Variants in ANO10 observed in about 807,000 individuals in gnomAD.
ANO10 encodes the protein anoctamin-10.
ANO10 carries 77 observed loss-of-function variants against 74.7 expected under a neutral mutation model. That is an observed-to-expected ratio of 1.03 (90% CI 0.86 to 1.25). ANO10 has a LOEUF of 1.25. Ranked by LOEUF, ANO10 falls within the 50% of genes most tolerant of loss-of-function variation. ANO10 has a pLI of 0.00. For missense variants in ANO10, 721 were observed against 778.1 expected (o/e 0.93, Z 0.87); for synonymous variants, 279 against 284.9 (o/e 0.98, Z 0.21).
At chr3:43,525,306 C>A (rs2078146772) in intron 11 of ANO10, among the ~76,000 whole-genome samples, 1 of 152,174 alleles carries the variant, frequency 6.6e-6, no homozygotes, top group Non-Finnish European at 1.5e-5. Flanking sequence ...AGTCCCTCAT[C>A]CCCATCTCTC....
chr3:43,621,872 G>T (rs993612334), intron 1 of ANO10, 37 bp downstream of exon 1: 3 of 152,412 alleles, frequency 2.0e-5, no homozygotes, highest in African/African-American at 7.2e-5. Flanking sequence ...CTCTGCTGCG[G>T]ACAGCTGGGG....
chr3:43,626,488 A>T (rs2083493647), upstream of ANO10, among the ~76,000 whole-genome samples: 1 of 151,178 alleles, frequency 6.6e-6, no homozygotes, highest in African/African-American at 2.4e-5. Context: ...TTTAGTAGAG[A>T]CTGTGTTTCA....
intron 1 of ANO10, among the ~76,000 whole-genome samples, chr3:43,687,003 A>ATTT (rs59861590): frequency 4.9e-5 from 7 of 142,982 alleles, no homozygotes; most frequent in African/African-American, 1.5e-4. Context: ...AAGTCATGTG[A>ATTT]TTTTTTTTTT....
chr3:43,691,374 C>T (rs1404519410), intron 1 of ANO10: 6 of 204,322 alleles, frequency 2.9e-5, no homozygotes, highest in African/African-American at 1.2e-4. Context: ...GGCGGCCGCA[C>T]CGGCTCGGGC....
chr3:43,379,243 C>T (rs572322249), intron 12 of ANO10, among the ~76,000 whole-genome samples: 1 of 152,338 alleles, frequency 6.6e-6, no homozygotes, highest in South Asian at 2.1e-4. Context: ...TTTCTTTTTC[C>T]TCCAGGTTAC....
intron 8 of ANO10, among the ~76,000 whole-genome samples, chr3:43,564,631 C>T (rs779683275): frequency 2.0e-5 from 3 of 152,146 alleles, no homozygotes; most frequent in African/African-American, 4.8e-5. Flanking sequence ...GTTGAATTAA[C>T]TATTACTCCC....
chr3:43,470,678 G>C (rs898136950), intron 11 of ANO10, among the ~76,000 whole-genome samples: 1 of 151,430 alleles, frequency 6.6e-6, no homozygotes, highest in African/African-American at 2.4e-5. Flanking sequence ...CCAGGCTGGA[G>C]TGCAGTAATG....
chr3:43,514,791 A>G (rs558528120), intron 11 of ANO10, among the ~76,000 whole-genome samples: 2 of 152,354 alleles, frequency 1.3e-5, no homozygotes, highest in African/African-American at 2.4e-5. Flanking sequence ...TCTGACTACA[A>G]TGTAATTAAA....
chr3:43,457,392 A>T (rs1276194887), intron 11 of ANO10, among the ~76,000 whole-genome samples: 1 of 152,216 alleles, frequency 6.6e-6, no homozygotes, highest in African/African-American at 2.4e-5. Context: ...GGCCTCAGGA[A>T]ACTTACAATC....
intron 11 of ANO10, among the ~76,000 whole-genome samples, chr3:43,507,938 T>C (rs1025909824): frequency 1.3e-5 from 2 of 152,110 alleles, no homozygotes; most frequent in African/African-American, 4.8e-5. Flanking sequence ...TTCTAGGTGT[T>C]TGTAAAAGGC....
At chr3:43,469,814 C>A (rs571620965) in intron 11 of ANO10, among the ~76,000 whole-genome samples, 2 of 152,260 alleles carry the variant, frequency 1.3e-5, no homozygotes, top group African/African-American at 2.4e-5. Context: ...CACACACCCA[C>A]AAACATATAT....
At position 43,512,997 on chromosome 3, in the gene ANO10, A is replaced by T. The variant is rs372139495; in HGVS notation, c.1797+36723T>A. The stretch of plus-strand genomic sequence containing the variant: ...GAGTCATGATGAGAATCCAGGGACA[A>T]CATGGCACCAGCTGTTTGCAGGAAA... On this transcript the variant is annotated intron_variant, in intron 11 of 12. Coordinates refer to ENST00000292246, the MANE Select transcript of ANO10 (RefSeq NM_018075.5). Among the ~76,000 whole-genome samples, 5 of 152,328 alleles carry T rather than the reference A, an allele frequency of 3.3e-5. No homozygotes were observed. The East Asian group carries it at 7.7e-4, about 24-fold the overall frequency.
Position 43,398,710 on chromosome 3 carries a change from T to C in ANO10, c.1915-31736A>G, listed in dbSNP as rs147941458. On this transcript the variant is annotated intron_variant, in intron 12 of 12. Transcript: ENST00000292246. ...TCTTCAATACAGTTGAGTGTGGGCA[T>C]TGGAATCAAGCCACATGGGCTAAAT... Among the ~76,000 whole-genome samples, 41 of 152,358 alleles carry C rather than the reference T, an allele frequency of 2.7e-4. No homozygotes were observed. In the East Asian group the frequency reaches 4.2e-3, roughly 16 times the overall value.
upstream of ANO10, among the ~76,000 whole-genome samples, chr3:43,626,316 A>T (rs1388105453): frequency 7.2e-6 from 1 of 139,234 alleles, no homozygotes; most frequent in Non-Finnish European, 1.5e-5. Flanking sequence ...TTTTTTTGAG[A>T]CTGAGTCTCG....
intron 1 of ANO10, among the ~76,000 whole-genome samples, chr3:43,646,201 G>A (rs1366605633): frequency 6.6e-6 from 1 of 152,188 alleles, no homozygotes; most frequent in Non-Finnish European, 1.5e-5. Flanking sequence ...TTATAGATTA[G>A]CTTGTTTTAG....
chr3:43,633,146 C>T (rs1024158831), intron 1 of ANO10, among the ~76,000 whole-genome samples: 5 of 152,134 alleles, frequency 3.3e-5, no homozygotes, highest in African/African-American at 7.2e-5. Context: ...AGACCTATCT[C>T]GTCCCCCCGG....
intron 4 of ANO10, among the ~76,000 whole-genome samples, chr3:43,595,258 T>C (rs572894219): frequency 6.6e-6 from 1 of 152,334 alleles, no homozygotes; most frequent in Non-Finnish European, 1.5e-5. Context: ...CCCTAACTCA[T>C]TTTATGAGGC....
chr3:43,547,802 C>T (rs1559680484), intron 11 of ANO10, among the ~76,000 whole-genome samples: 1 of 152,118 alleles, frequency 6.6e-6, no homozygotes, highest in South Asian at 2.1e-4. Context: ...TAAGGTATCA[C>T]TAAATACAAA....
chr3:43,453,381 G>A (rs369950409), intron 11 of ANO10, among the ~76,000 whole-genome samples: 1 of 152,042 alleles, frequency 6.6e-6, no homozygotes. Context: ...GGGTTTCACT[G>A]TGTTAGCCAG....
Sources: allele counts gnomAD v4.1 joint callset (sites outside exome capture counted in the v4.1 genomes callset), GRCh38; gene constraint gnomAD v4.1.1; transcripts MANE v1.5; gene names NCBI Gene and HGNC (gene_info 2026-07-23, HGNC 2026-07-21).